Variants in DRC3 observed in about 807,000 individuals in gnomAD.
DRC3 encodes leucine rich repeat containing 48.
Under a neutral mutation model 57.6 loss-of-function variants are expected in DRC3, and 45 were observed. The ratio of observed to expected loss-of-function variants is 0.78; its 90% CI spans 0.62 to 1.00. The LOEUF is 1.00. Among genes scored for constraint, DRC3 ranks in the 50% least tolerant of loss-of-function variants. DRC3 has a pLI of 0.00. For missense variants in DRC3, 655 were observed against 675.2 expected (o/e 0.97, Z 0.33); for synonymous variants, 257 against 272.3 (o/e 0.94, Z 0.55).
chr17:17,995,138 C>T, intron 8 of DRC3, 27 bp downstream of exon 8: 1 of 1,549,392 alleles, frequency 6.5e-7, no homozygotes, highest in Non-Finnish European at 8.9e-7. Flanking sequence ...ATGGCTGTCT[C>T]AGAGCCTCTG....
At chr17:17,978,552 A>T (rs1050055704) in intron 3 of DRC3, among the ~76,000 whole-genome samples, 12 of 152,242 alleles carry the variant, frequency 7.9e-5, no homozygotes, top group African/African-American at 2.6e-4. Context: ...TGGGGCCCCT[A>T]GGCTGGCCGG....
At chr17:18,013,777 A>C (rs969077655) in intron 12 of DRC3, among the ~76,000 whole-genome samples, 4 of 152,180 alleles carry the variant, frequency 2.6e-5, no homozygotes, top group African/African-American at 9.7e-5. Flanking sequence ...AAATAGCTAA[A>C]AGGAGGATAT....
intron 12 of DRC3, chr17:18,007,719 T>G: frequency 4.9e-6 from 6 of 1,236,126 alleles, no homozygotes; most frequent in East Asian, 4.0e-5. Context: ...TCTATGTCTC[T>G]GGAAGGAGTG....
At chr17:18,012,748 C>T (rs2044213630) in intron 12 of DRC3, among the ~76,000 whole-genome samples, 1 of 151,366 alleles carries the variant, frequency 6.6e-6, no homozygotes, top group Admixed American at 6.6e-5. Context: ...TGCTTTAGGA[C>T]ATTGGCCTGG....
Position 17,988,031 on chromosome 17 carries a change from C to A in DRC3, c.377C>A (p.Ser126Tyr), listed in dbSNP as rs371759384. The A allele has an allele frequency of 1.2e-6, 2 of 1,613,882 alleles. No homozygotes were observed. The highest frequency in any genetic ancestry group is 2.7e-5 in the African/African-American group (2 of 74,924). Residue 126 changes from serine to tyrosine, a missense_variant, in exon 5 of 14, where the codon TCC becomes TAC. Physicochemically the swap from Ser to Tyr is moderately radical, Grantham distance 144. Coordinates refer to ENST00000399187, the MANE Select transcript of DRC3 (RefSeq NM_031294.4). ...LFNNRISKID[S>Y]LDALVKLQVL... ...AACAACCGGATCTCCAAGATCGACT[C>A]CCTGGACGCCCTCGTCAAGCTGCAG...
At chr17:17,974,116 G>A (rs976326081) in intron 2 of DRC3, among the ~76,000 whole-genome samples, 154 bp downstream of exon 2, 1 of 152,240 alleles carries the variant, frequency 6.6e-6, no homozygotes, top group Non-Finnish European at 1.5e-5. Flanking sequence ...GTTGAGTCAT[G>A]ATTAGGAAAA....
intron 5 of DRC3, chr17:17,988,400 C>T (rs1323620216): frequency 4.7e-5 from 17 of 361,654 alleles, no homozygotes; most frequent in South Asian, 3.0e-4. Flanking sequence ...TAGTGTTGGG[C>T]GTATGTCCTG....
At chr17:18,014,297 G>T (rs1488113856) in intron 12 of DRC3, among the ~76,000 whole-genome samples, 1 of 152,192 alleles carries the variant, frequency 6.6e-6, no homozygotes, top group African/African-American at 2.4e-5. Flanking sequence ...GGACCACAGA[G>T]CAGGGCAACA....
chr17:17,977,784 T>A (rs1455353865), intron 3 of DRC3, 26 bp downstream of exon 3: 1 of 1,548,158 alleles, frequency 6.5e-7, no homozygotes, highest in East Asian at 2.3e-5. Flanking sequence ...TCAGGGGTGG[T>A]GGCCAGGGTG....
chr17:18,000,879 TTCTC>T (rs774868256), intron 9 of DRC3, among the ~76,000 whole-genome samples: 3 of 152,092 alleles, frequency 2.0e-5, no homozygotes, highest in Non-Finnish European at 4.4e-5. Context: ...GGTTTTTGGT[TTCTC>T]TCTCTCTTCT....
rs1208107150 is a variant in DRC3 at position 17,997,492 on chromosome 17, A to T, written c.857A>T (p.Asn286Ile). The T allele has an allele frequency of 6.2e-7, 1 of 1,613,286 alleles. No individual in the cohort carries two copies. Among genetic ancestry groups the T allele is most frequent in the Non-Finnish European group, 8.5e-7 (1 of 1,179,682 alleles). The change falls in exon 9 of 14, where the codon AAT (asparagine) becomes ATT (isoleucine). Residue 286 changes from asparagine (N) to isoleucine (I), a missense_variant. Transcript: ENST00000399187. ...YKDKFVIICV[N>I]IFEYGLKQQE... is the part of the protein sequence containing the mutation. ...GACAAGTTTGTCATCATCTGCGTGA[A>T]TATTTTTGAGTATGGCCTGAAACAG...
intron 3 of DRC3, among the ~76,000 whole-genome samples, chr17:17,983,023 A>G (rs981503512): frequency 1.3e-5 from 2 of 152,334 alleles, no homozygotes; most frequent in South Asian, 2.1e-4. Flanking sequence ...TATACAGTAC[A>G]TATTTACTTA....
intron 12 of DRC3, among the ~76,000 whole-genome samples, chr17:18,014,363 CT>C (rs1346235364): frequency 6.6e-6 from 1 of 152,214 alleles, no homozygotes; most frequent in African/African-American, 2.4e-5. Context: ...CACCCTAGTG[CT>C]TTCAACCTGC....
chr17:18,015,016 T>C (rs994528498), intron 12 of DRC3: 2 of 152,164 alleles, frequency 1.3e-5, no homozygotes, highest in Admixed American at 1.3e-4. Context: ...TTAACAGGCA[T>C]TACTCTGAAG....
intron 6 of DRC3, 174 bp from the exon 7 acceptor site, chr17:17,994,125 G>T: frequency 1.3e-6 from 1 of 782,890 alleles, no homozygotes; most frequent in Non-Finnish European, 1.9e-6. Context: ...AGGGTCATCA[G>T]GAGATGGGCA....
intron 7 of DRC3, 77 bp downstream of exon 7, chr17:17,994,495 T>C: frequency 6.6e-7 from 1 of 1,511,956 alleles, no homozygotes; most frequent in Non-Finnish European, 8.9e-7. Flanking sequence ...AAAACGGTCC[T>C]CAGGGATCCC....
intron 3 of DRC3, among the ~76,000 whole-genome samples, chr17:17,979,250 G>C (rs2042538485): frequency 6.6e-6 from 1 of 152,202 alleles, no homozygotes; most frequent in Admixed American, 6.5e-5. Context: ...AGACAGGTCG[G>C]GGAGGTCATG....
chr17:17,990,322 G>C (rs762417095), intron 5 of DRC3, among the ~76,000 whole-genome samples: 3 of 152,232 alleles, frequency 2.0e-5, no homozygotes, highest in Non-Finnish European at 4.4e-5. Context: ...AGTTTGCCCT[G>C]CATGCCAGAC....
intron 9 of DRC3, 144 bp from the exon 10 acceptor site, chr17:18,004,219 A>G: frequency 1.2e-6 from 1 of 860,754 alleles, no homozygotes; most frequent in Admixed American, 2.2e-5. Flanking sequence ...ACACGCTTTC[A>G]GAGCCAGCAA....
Sources: allele counts gnomAD v4.1 joint callset (sites outside exome capture counted in the v4.1 genomes callset), GRCh38; gene constraint gnomAD v4.1.1; transcripts MANE v1.5; gene names NCBI Gene and HGNC (gene_info 2026-07-23, HGNC 2026-07-21).